The following HECW2 variants were observed in gnomAD, a reference collection of about 807,000 sequenced individuals.
HECW2 encodes the protein HECT, C2 and WW domain containing E3 ubiquitin protein ligase 2.
HECW2 carries 61 observed loss-of-function variants against 175.2 expected under a neutral mutation model. That is an observed-to-expected ratio of 0.35 (90% CI 0.28 to 0.43). HECW2 has a LOEUF of 0.43. Among genes scored for constraint, HECW2 ranks in the 20% least tolerant of loss-of-function variants. The pLI is 1.00. For missense variants in HECW2, 1,524 were observed against 2,000.5 expected, an observed-to-expected ratio of 0.76 and a Z score of 4.54; for synonymous variants, 671 against 731.0, an observed-to-expected ratio of 0.92 and a Z score of 1.32.
At chr2:196,326,522 C>T (rs1692159217) in intron 5 of HECW2, among the ~76,000 whole-genome samples, 1 of 151,514 alleles carries the variant, frequency 6.6e-6, no homozygotes, top group African/African-American at 2.4e-5. Flanking sequence ...TGGCTCACTG[C>T]AACCTCTGCC....
chr2:196,325,732 A>C (rs1405586880), intron 5 of HECW2, among the ~76,000 whole-genome samples: 2 of 152,228 alleles, frequency 1.3e-5, no homozygotes, highest in Admixed American at 1.3e-4. Context: ...ATATTCCATA[A>C]ATGTGATGAA....
At chr2:196,568,003 ATAAAG>A (rs1048786960) in intron 1 of HECW2, among the ~76,000 whole-genome samples, 16 of 152,222 alleles carry the variant, frequency 1.1e-4, no homozygotes, top group African/African-American at 2.7e-4. Context: ...ATATCTAAAA[ATAAAG>A]TAATTAATAA....
chr2:196,492,844 A>G (rs1161437272), intron 1 of HECW2, among the ~76,000 whole-genome samples: 2 of 152,256 alleles, frequency 1.3e-5, no homozygotes, highest in Admixed American at 6.5e-5. Flanking sequence ...CAAAAATTTC[A>G]TAAACAAAAT....
chr2:196,589,531 T>C (rs1307907469), intron 1 of HECW2, among the ~76,000 whole-genome samples: 1 of 152,172 alleles, frequency 6.6e-6, no homozygotes, highest in Non-Finnish European at 1.5e-5. Context: ...CCCCTCTGTA[T>C]GAAAAGCTGA....
intron 1 of HECW2, among the ~76,000 whole-genome samples, chr2:196,437,822 G>T (rs1695925375): frequency 6.6e-6 from 1 of 152,066 alleles, no homozygotes; most frequent in African/African-American, 2.4e-5. Flanking sequence ...TCGAAGTCAA[G>T]GAAGGAGAGA....
At chr2:196,283,280 A>G (rs1259667458) in intron 14 of HECW2, among the ~76,000 whole-genome samples, 1 of 151,218 alleles carries the variant, frequency 6.6e-6, no homozygotes, top group East Asian at 1.9e-4. Context: ...AAAAAAAAAA[A>G]AAAAGTTGGA....
At chr2:196,434,603 A>C (rs1695815853) in intron 1 of HECW2, among the ~76,000 whole-genome samples, 1 of 151,970 alleles carries the variant, frequency 6.6e-6, no homozygotes, top group Non-Finnish European at 1.5e-5. Flanking sequence ...ACATTACCTC[A>C]CTCGGATCTC....
chr2:196,491,499 TATACACAC>T lies in HECW2; in HGVS notation c.-35-58049_-35-58042del, dbSNP rs1335673236. 7.2e-4 allele frequency among the ~76,000 whole-genome samples: 95 copies of T among 131,994 alleles called. No homozygotes were observed. In the East Asian group the frequency reaches 9.0e-3, roughly 12 times the overall value. 86.6% of individuals were successfully genotyped at this position (131,994 alleles called of 152,430 possible). On this transcript the variant is annotated intron_variant, in intron 1 of 28. Coordinates refer to ENST00000644978, the MANE Select transcript of HECW2 (RefSeq NM_001348768.2). ...ATATATATATATACACATATATATATATACACACACACACACACACACACACATATACA... is the reference window on the plus strand; with the variant it reads ...ATATATATATATACACATATATATATACACACACACACACACACATATACA...
intron 19 of HECW2, among the ~76,000 whole-genome samples, chr2:196,249,864 C>G (rs904213340): frequency 2.6e-5 from 4 of 152,234 alleles, no homozygotes; most frequent in Non-Finnish European, 4.4e-5. Context: ...AAAACCACCA[C>G]AAACACTGCT....
rs139365828 is a variant in HECW2 at position 196,232,511 on chromosome 2, T to G, written c.3765-4257A>C. Among the ~76,000 whole-genome samples, 13 of 152,164 alleles carry G rather than the reference T, an allele frequency of 8.5e-5. No homozygotes were observed. The East Asian group carries it at 2.5e-3, about 29-fold the overall frequency. On this transcript the variant is annotated intron_variant, in intron 21 of 28. Coordinates refer to ENST00000644978, the MANE Select transcript of HECW2 (RefSeq NM_001348768.2). ...GATGCTTTCTAAAGAAAAATCAACA[T>G]TGCTTACATTGTTATTTGGTATCTA...
chr2:196,561,416 C>A (rs1253772361), intron 1 of HECW2, among the ~76,000 whole-genome samples: 1 of 152,104 alleles, frequency 6.6e-6, no homozygotes, highest in Non-Finnish European at 1.5e-5. Flanking sequence ...CTAGTTTTGC[C>A]CTGACCTTGT....
chr2:196,204,946 A>G (rs754489337), intron 28 of HECW2, among the ~76,000 whole-genome samples: 1 of 152,204 alleles, frequency 6.6e-6, no homozygotes, highest in Admixed American at 6.5e-5. Flanking sequence ...AAGCTTATCC[A>G]GTAAATCCAC....
chr2:196,233,268 T>G (rs1004669159), intron 21 of HECW2, among the ~76,000 whole-genome samples: 5 of 152,132 alleles, frequency 3.3e-5, no homozygotes, highest in African/African-American at 4.8e-5. Flanking sequence ...CATTTCCGAA[T>G]AAGCACAGAT....
intron 2 of HECW2, among the ~76,000 whole-genome samples, chr2:196,430,841 G>GA (rs1469840288): frequency 6.6e-6 from 1 of 151,682 alleles, no homozygotes; most frequent in African/African-American, 2.4e-5. Context: ...TGGCATCTCA[G>GA]AAAAAGAAGA....
chr2:196,413,644 C>A lies in HECW2; in HGVS notation c.292+19488G>T, dbSNP rs1343208266. Reference sequence around the variant, plus strand: ...ACAGGTGTAAGCCACTATGCCCAGCCGACCCTGTCTCAAAAAAAATTATAT... The same window carrying A: ...ACAGGTGTAAGCCACTATGCCCAGCAGACCCTGTCTCAAAAAAAATTATAT... On this transcript the variant is annotated intron_variant, in intron 2 of 28. Transcript: ENST00000644978. Among the ~76,000 whole-genome samples, 5 of 152,060 alleles carry A rather than the reference C, an allele frequency of 3.3e-5. No homozygotes were observed. In the South Asian group the frequency reaches 1.0e-3, roughly 32 times the overall value.
At chr2:196,519,265 T>C (rs1688259012) in intron 1 of HECW2, among the ~76,000 whole-genome samples, 1 of 152,164 alleles carries the variant, frequency 6.6e-6, no homozygotes, top group African/African-American at 2.4e-5. Flanking sequence ...TGAAACTGAC[T>C]TCCGTCTGCC....
chr2:196,317,881 G>T (rs373315444), intron 9 of HECW2, among the ~76,000 whole-genome samples: 11 of 152,178 alleles, frequency 7.2e-5, no homozygotes, highest in Non-Finnish European at 1.6e-4. Flanking sequence ...TTCACTGAGC[G>T]TAATACAAAT....
chr2:196,566,964 CCTT>C (rs1374732963), intron 1 of HECW2, among the ~76,000 whole-genome samples: 2 of 152,152 alleles, frequency 1.3e-5, no homozygotes, highest in African/African-American at 2.4e-5. Context: ...TCTAATCTCT[CCTT>C]CTTTCCTAGT....
At chr2:196,388,427 C>T (rs1329087816) in intron 2 of HECW2, among the ~76,000 whole-genome samples, 2 of 152,136 alleles carry the variant, frequency 1.3e-5, no homozygotes, top group Admixed American at 1.3e-4. Context: ...GTTTATAGTG[C>T]TTTACAAATG....
Sources: allele counts gnomAD v4.1 joint callset (sites outside exome capture counted in the v4.1 genomes callset), GRCh38; gene constraint gnomAD v4.1.1; transcripts MANE v1.5; gene names NCBI Gene and HGNC (gene_info 2026-07-23, HGNC 2026-07-21).